FARS2: variants seen among roughly 807,000 people sequenced by gnomAD.
FARS2 encodes the protein phenylalanine--tRNA ligase, mitochondrial.
FARS2 carries 40 observed loss-of-function variants against 46.4 expected under a neutral mutation model. That is an observed-to-expected ratio of 0.86 (90% CI 0.67 to 1.12). FARS2 has a LOEUF of 1.12. FARS2 is among the 50% of genes most tolerant of loss of function. The pLI, the probability that FARS2 is intolerant of heterozygous loss-of-function variation, is 0.00. For synonymous variants in FARS2, 234 were observed against 214.9 expected (o/e 1.09, Z -0.78); for missense variants, 513 against 567.9 (o/e 0.90, Z 0.98).
At chr6:5,540,450 C>A (rs961679931) in intron 4 of FARS2, among the ~76,000 whole-genome samples, 3 of 152,160 alleles carry the variant, frequency 2.0e-5, no homozygotes, top group South Asian at 2.1e-4. Flanking sequence ...GCCTCCCAAC[C>A]CTTAATTGTG....
intron 6 of FARS2, among the ~76,000 whole-genome samples, chr6:5,734,449 A>G (rs1003830066): frequency 1.3e-5 from 2 of 152,140 alleles, no homozygotes; most frequent in Admixed American, 1.3e-4. Flanking sequence ...AGGAGGGGCC[A>G]TGCATCTGTG....
At chr6:5,530,767 A>G (rs1341188566) in intron 4 of FARS2, among the ~76,000 whole-genome samples, 1 of 147,064 alleles carries the variant, frequency 6.8e-6, no homozygotes, top group Non-Finnish European at 1.5e-5. Context: ...ATATATAAAT[A>G]TTTCATATAT....
At chr6:5,587,893 A>G (rs1364111612) in intron 5 of FARS2, among the ~76,000 whole-genome samples, 1 of 152,196 alleles carries the variant, frequency 6.6e-6, no homozygotes, top group Non-Finnish European at 1.5e-5. Flanking sequence ...AGGTTGTTAA[A>G]TAAGGTAATA....
intron 1 of FARS2, among the ~76,000 whole-genome samples, chr6:5,273,258 T>TG (rs34864896): frequency 0.62 from 94,045 of 151,788 alleles, 29,354 homozygotes; most frequent in East Asian, 0.84. Context: ...GTTTTCCATA[T>TG]TGGCTATACT....
chr6:5,745,932 C>T (rs906456641), intron 6 of FARS2, among the ~76,000 whole-genome samples: 13 of 152,076 alleles, frequency 8.5e-5, no homozygotes, highest in Non-Finnish European at 1.5e-4. Flanking sequence ...GGGGAGACCT[C>T]GTCATTGGAA....
At chr6:5,752,538 C>G (rs1241902730) in intron 6 of FARS2, among the ~76,000 whole-genome samples, 1 of 152,198 alleles carries the variant, frequency 6.6e-6, no homozygotes, top group Non-Finnish European at 1.5e-5. Context: ...ACAGCCAGGT[C>G]TCCCAGCCCC....
At chr6:5,682,497 T>C (rs1424042554) in intron 6 of FARS2, among the ~76,000 whole-genome samples, 1 of 152,238 alleles carries the variant, frequency 6.6e-6, no homozygotes, top group African/African-American at 2.4e-5. Flanking sequence ...CCTGGCTCTA[T>C]CCGAAGGGAA....
chr6:5,265,550 A>G (rs1765495009), intron 1 of FARS2, among the ~76,000 whole-genome samples: 1 of 152,194 alleles, frequency 6.6e-6, no homozygotes, highest in Admixed American at 6.5e-5. Context: ...TTTGAATCCT[A>G]TATTCCAGAG....
chr6:5,662,572 T>A (rs1421539868), intron 6 of FARS2, among the ~76,000 whole-genome samples: 1 of 152,224 alleles, frequency 6.6e-6, no homozygotes, highest in Non-Finnish European at 1.5e-5. Context: ...CTTCACCGTT[T>A]GAACTAACTC....
At chr6:5,314,087 C>G (rs1318619153) in intron 1 of FARS2, among the ~76,000 whole-genome samples, 1 of 152,106 alleles carries the variant, frequency 6.6e-6, no homozygotes. Flanking sequence ...TTTATGGCAT[C>G]GAGGAACCAC....
At chr6:5,274,170 A>G (rs1438148701) in intron 1 of FARS2, among the ~76,000 whole-genome samples, 1 of 152,166 alleles carries the variant, frequency 6.6e-6, no homozygotes, top group African/African-American at 2.4e-5. Flanking sequence ...ACCTGTAAAA[A>G]TTATTGAGTG....
intron 6 of FARS2, among the ~76,000 whole-genome samples, chr6:5,732,561 A>C (rs1375366955): frequency 6.6e-6 from 1 of 152,226 alleles, no homozygotes; most frequent in Admixed American, 6.5e-5. Context: ...TGTTGGGCCC[A>C]TCAAGAGAGA....
intron 6 of FARS2, among the ~76,000 whole-genome samples, chr6:5,642,972 T>C (rs1297734335): frequency 6.6e-6 from 1 of 152,238 alleles, no homozygotes; most frequent in Middle Eastern, 3.2e-3. Flanking sequence ...GGCCCTGCAA[T>C]GCAGGACATC....
At chr6:5,498,800 C>T (rs1052713678) in intron 4 of FARS2, among the ~76,000 whole-genome samples, 2 of 152,154 alleles carry the variant, frequency 1.3e-5, no homozygotes, top group Non-Finnish European at 2.9e-5. Context: ...TGAGTTAAGA[C>T]GAGGGAGCTC....
intron 6 of FARS2, among the ~76,000 whole-genome samples, chr6:5,729,678 G>T (rs1337796647): frequency 6.6e-6 from 1 of 152,200 alleles, no homozygotes; most frequent in Non-Finnish European, 1.5e-5. Context: ...TGGACGTGTA[G>T]GTTACCCACA....
intron 5 of FARS2, among the ~76,000 whole-genome samples, chr6:5,582,787 A>T (rs1301698204): frequency 6.6e-6 from 1 of 152,248 alleles, no homozygotes; most frequent in African/African-American, 2.4e-5. Context: ...ACTTTCAGCA[A>T]AATAGCTCTT....
intron 4 of FARS2, among the ~76,000 whole-genome samples, chr6:5,445,690 A>T (rs1764142894): frequency 6.6e-6 from 1 of 152,142 alleles, no homozygotes. Context: ...CCAAGCTCGG[A>T]AGAAGTAGCT....
intron 5 of FARS2, among the ~76,000 whole-genome samples, chr6:5,580,031 C>T (rs1197499274): frequency 1.3e-5 from 2 of 152,016 alleles, no homozygotes; most frequent in South Asian, 2.1e-4. Context: ...GTGGCTCATG[C>T]CTGTAATCCC....
intron 6 of FARS2, among the ~76,000 whole-genome samples, chr6:5,717,328 T>A (rs1329628795): frequency 6.6e-6 from 1 of 150,982 alleles, no homozygotes; most frequent in Non-Finnish European, 1.5e-5. Context: ...CCAGGAACCG[T>A]GGATAGAAAC....
Sources: allele counts gnomAD v4.1 joint callset (sites outside exome capture counted in the v4.1 genomes callset), GRCh38; gene constraint gnomAD v4.1.1; transcripts MANE v1.5; gene names NCBI Gene and HGNC (gene_info 2026-07-23, HGNC 2026-07-21).